The following PTPRQ variants were observed in gnomAD, a reference collection of about 807,000 sequenced individuals.
PTPRQ encodes the protein phosphatidylinositol phosphatase PTPRQ.
PTPRQ carries 199 observed loss-of-function variants against 246.0 expected under a neutral mutation model. That is an observed-to-expected ratio of 0.81 (90% CI 0.72 to 0.91). The LOEUF (loss-of-function observed/expected upper bound fraction) is 0.91, where lower values mean the gene tolerates loss of function less well. Ranked by LOEUF, PTPRQ falls within the 40% of genes least tolerant of loss-of-function variation. The pLI is 0.00. For synonymous variants in PTPRQ, 869 were observed against 853.2 expected, an observed-to-expected ratio of 1.02 and a Z score of -0.32; for missense variants, 2,624 against 2,528.4, an observed-to-expected ratio of 1.04 and a Z score of -0.81.
At chr12:80,453,202 G>A (rs974026553) in intron 3 of PTPRQ, among the ~76,000 whole-genome samples, 2 of 152,028 alleles carry the variant, frequency 1.3e-5, no homozygotes, top group African/African-American at 2.4e-5. Context: ...TTCGAGCCTT[G>A]GCTTTCAGCT....
intron 14 of PTPRQ, among the ~76,000 whole-genome samples, chr12:80,497,582 T>G (rs1056295650): frequency 6.6e-6 from 1 of 152,016 alleles, no homozygotes; most frequent in African/African-American, 2.4e-5. Flanking sequence ...GGAGAGGATA[T>G]CCCATCTAAA....
intron 8 of PTPRQ, among the ~76,000 whole-genome samples, chr12:80,479,552 A>C (rs1215190230): frequency 6.8e-6 from 1 of 146,304 alleles, no homozygotes; most frequent in Non-Finnish European, 1.5e-5. Context: ...TAAATGGACT[A>C]AATGCTCCAA....
chr12:80,640,025 C>CGTGTGTGTGTGTGT (rs149812346), intron 35 of PTPRQ, among the ~76,000 whole-genome samples: 17 of 143,008 alleles, frequency 1.2e-4, no homozygotes, highest in Admixed American at 5.6e-4. Context: ...TGAAGATACA[C>CGTGTGTGTGTGTGT]GTGTGTGTGT....
rs1433976292 is a variant in PTPRQ, at chr12:80,678,672, G to A, written c.6809G>A (p.Cys2270Tyr). ...AATAAGGGAAGTAATCAGCCCATCT[G>A]TTTTGTTAACTATTCAGCACTTCAG... ...LSNKGSNQPICFVNYSALQKM... is the reference protein window; with the variant it reads ...LSNKGSNQPIYFVNYSALQKM... The change falls in exon 44 of 45, where the codon TGT becomes TAT. Residue 2270 changes from cysteine to tyrosine, a missense_variant. Transcript: ENST00000644991. 1 of 1,550,202 alleles carries A rather than the reference G, an allele frequency of 6.5e-7. No individual in the cohort carries two copies. Among genetic ancestry groups the A allele is most frequent in the Non-Finnish European group, 8.7e-7 (1 of 1,146,156 alleles).
chr12:80,617,981 A>G (rs997592734), intron 30 of PTPRQ, among the ~76,000 whole-genome samples: 2 of 151,222 alleles, frequency 1.3e-5, no homozygotes, highest in African/African-American at 4.8e-5. Flanking sequence ...CAGGTGTCAT[A>G]CCTGTGATCT....
chr12:80,547,443 C>A (rs1896340083), intron 24 of PTPRQ, among the ~76,000 whole-genome samples: 1 of 152,000 alleles, frequency 6.6e-6, no homozygotes, highest in Admixed American at 6.6e-5. Context: ...CTTATCAGCT[C>A]TGGATGCACT....
intron 32 of PTPRQ, among the ~76,000 whole-genome samples, chr12:80,620,618 A>G (rs759331770): frequency 4.0e-5 from 6 of 151,832 alleles, no homozygotes; most frequent in Non-Finnish European, 8.8e-5. Flanking sequence ...GATATAAGTT[A>G]CATAAAGACC....
intron 27 of PTPRQ, among the ~76,000 whole-genome samples, chr12:80,608,152 A>C (rs1229211993): frequency 6.6e-6 from 1 of 150,738 alleles, no homozygotes; most frequent in Non-Finnish European, 1.5e-5. Context: ...GAAGAGAAAA[A>C]AAATAGGAAG....
At chr12:80,531,024 T>TA (rs1421961507) in intron 17 of PTPRQ, among the ~76,000 whole-genome samples, 1 of 151,848 alleles carries the variant, frequency 6.6e-6, no homozygotes, top group Non-Finnish European at 1.5e-5. Flanking sequence ...ACCTTGTCGC[T>TA]AAAAAATATA....
intron 30 of PTPRQ, among the ~76,000 whole-genome samples, chr12:80,617,192 C>T (rs1233429844): frequency 6.6e-6 from 1 of 150,888 alleles, no homozygotes. Context: ...CCTCTATAGG[C>T]CTGAAAAATG....
At chr12:80,449,609 C>T (rs1317612921) in intron 3 of PTPRQ, among the ~76,000 whole-genome samples, 1 of 151,716 alleles carries the variant, frequency 6.6e-6, no homozygotes, top group Non-Finnish European at 1.5e-5. Context: ...GCCAGTTTTC[C>T]CAGCACCATT....
At chr12:80,642,948 A>T (rs867607923) in intron 35 of PTPRQ, among the ~76,000 whole-genome samples, 7 of 147,936 alleles carry the variant, frequency 4.7e-5, no homozygotes, top group African/African-American at 1.8e-4. Context: ...AAAAAAAAAC[A>T]ATTGAGTATC....
At position 80,609,557 on chromosome 12, in the gene PTPRQ, T is replaced by C. The variant is rs147878795; in HGVS notation, c.4732-882T>C. ...AGCAAGTTTAGTTATGTTTAATATC[T>C]GGAGTGAATAGGCCAGAACCTCCAT... On this transcript the variant is annotated intron_variant, in intron 27 of 44. Coordinates refer to ENST00000644991, the MANE Select transcript of PTPRQ (RefSeq NM_001145026.2). Among the ~76,000 whole-genome samples, 685 of 150,718 alleles carry C rather than the reference T, an allele frequency of 4.5e-3. 4 individuals carry two copies. Among genetic ancestry groups the C allele is most frequent in the African/African-American group, 0.015 (627 of 41,384 alleles).
At chr12:80,560,811 G>A (rs1364549084) in intron 25 of PTPRQ, among the ~76,000 whole-genome samples, 1 of 152,068 alleles carries the variant, frequency 6.6e-6, no homozygotes, top group Non-Finnish European at 1.5e-5. Context: ...CCTGTTTATT[G>A]CATAAGATAA....
rs75566012 is a variant in PTPRQ at position 80,669,483 on chromosome 12, G to A, written c.6453+19G>A. The A allele has an allele frequency of 4.5e-5, 69 of 1,533,918 alleles. No homozygotes were observed. In the African/African-American group the frequency reaches 8.4e-4, roughly 19 times the overall value. On this transcript the variant is annotated intron_variant, in intron 41 of 44. Coordinates refer to ENST00000644991, the MANE Select transcript of PTPRQ (RefSeq NM_001145026.2). ...TGAAAGGGTAAAAAAAAAAGGGGGG[G>A]ACGAGAGAACATGATATAAAATATG...
intron 16 of PTPRQ, among the ~76,000 whole-genome samples, chr12:80,509,479 A>G (rs1269954855): frequency 6.6e-6 from 1 of 152,110 alleles, no homozygotes; most frequent in African/African-American, 2.4e-5. Flanking sequence ...TTCCGTGCAT[A>G]ACTGTAACAA....
chr12:80,496,566 CA>C, intron 14 of PTPRQ, 35 bp downstream of exon 14: 2 of 1,528,352 alleles, frequency 1.3e-6, no homozygotes, highest in Non-Finnish European at 8.8e-7. Context: ...TTTAATAATA[CA>C]CAGTGATATA....
intron 25 of PTPRQ, among the ~76,000 whole-genome samples, chr12:80,551,391 T>A (rs1049186589): frequency 4.6e-5 from 7 of 152,170 alleles, no homozygotes; most frequent in Non-Finnish European, 7.4e-5. Context: ...ACCACCATTG[T>A]ATATTAGAGG....
At chr12:80,462,156 C>T (rs1165758509) in intron 6 of PTPRQ, 5 of 279,254 alleles carry the variant, frequency 1.8e-5, no homozygotes, top group Admixed American at 5.1e-5. Context: ...CAGTCACTCC[C>T]ACCCGAATAC....
Sources: gnomAD v4.1 joint callset for allele counts (sites outside exome capture counted in the v4.1 genomes callset) on GRCh38, gnomAD v4.1.1 for gene constraint, MANE v1.5 for transcripts, NCBI Gene and HGNC (gene_info 2026-07-23, HGNC 2026-07-21) for gene names.